Variants in SRGAP1 observed in about 807,000 individuals in gnomAD.
SRGAP1 encodes SLIT-ROBO Rho GTPase activating protein 1.
A neutral mutation model predicts 121.9 loss-of-function variants in SRGAP1; 43 were observed. The observed-to-expected ratio is 0.35, with a 90% CI of 0.28 to 0.46. The LOEUF is 0.46. SRGAP1 is among the 20% of genes least tolerant of loss of function. The pLI, the probability that SRGAP1 is intolerant of heterozygous loss-of-function variation, is 1.00. For synonymous variants in SRGAP1, 447 were observed against 485.4 expected, an observed-to-expected ratio of 0.92 and a Z score of 1.04; for missense variants, 1,102 against 1,350.9, an observed-to-expected ratio of 0.82 and a Z score of 2.89.
At chr12:64,087,752 A>C (rs1030361391) in intron 11 of SRGAP1, among the ~76,000 whole-genome samples, 1 of 152,162 alleles carries the variant, frequency 6.6e-6, no homozygotes, top group Admixed American at 6.5e-5. Flanking sequence ...AAAATAAAAA[A>C]TAAAAATAAA....
chr12:63,954,369 C>T (rs1420793254), intron 1 of SRGAP1, among the ~76,000 whole-genome samples: 3 of 152,020 alleles, frequency 2.0e-5, no homozygotes, highest in African/African-American at 7.2e-5. Flanking sequence ...GGAATTTTCC[C>T]CCATCTTTCT....
intron 1 of SRGAP1, among the ~76,000 whole-genome samples, chr12:63,952,239 G>A (rs1413602999): frequency 6.6e-6 from 1 of 152,194 alleles, no homozygotes; most frequent in Non-Finnish European, 1.5e-5. Flanking sequence ...AGGGCTGGAT[G>A]CAGTGGCTCA....
chr12:64,108,201 G>A (rs1340215285), intron 15 of SRGAP1, among the ~76,000 whole-genome samples: 6 of 152,142 alleles, frequency 3.9e-5, no homozygotes, highest in Non-Finnish European at 8.8e-5. Flanking sequence ...ATGTTCACAA[G>A]CACTTTAGTA....
At chr12:64,130,041 G>C (rs1048860863) in intron 21 of SRGAP1, among the ~76,000 whole-genome samples, 29 of 152,198 alleles carry the variant, frequency 1.9e-4, no homozygotes, top group African/African-American at 6.5e-4. Flanking sequence ...CTTCATTCCT[G>C]AAGGGTCTGG....
rs746638215 is a variant in SRGAP1, at chr12:63,990,040, A to G, written c.394A>G (p.Ile132Val). ...LNNVIMRFMQ[I>V]SEDSTRMFKK... is the part of the protein sequence containing the mutation. ...CAATGTGATTATGCGGTTCATGCAG[A>G]TAAGTGAGGATTCTACCAGGATGTT... The change falls in exon 3 of 22, where the codon ATA (isoleucine) becomes GTA (valine). Residue 132 changes from isoleucine to valine, a missense_variant. Physicochemically the swap from Ile to Val is conservative, Grantham distance 29. Coordinates refer to ENST00000355086, the MANE Select transcript of SRGAP1 (RefSeq NM_020762.4). 4 of 1,611,824 alleles carry G rather than the reference A, an allele frequency of 2.5e-6. No individual in the cohort carries two copies. The highest frequency in any genetic ancestry group is 3.4e-6 in the Non-Finnish European group (4 of 1,179,292).
intron 1 of SRGAP1, among the ~76,000 whole-genome samples, chr12:63,921,033 T>G (rs1055410771): frequency 3.3e-5 from 5 of 152,172 alleles, no homozygotes; most frequent in African/African-American, 1.2e-4. Flanking sequence ...CCCTTGAACT[T>G]CTTCCTTATC....
At chr12:64,115,925 A>G in intron 18 of SRGAP1, 32 bp downstream of exon 18, 1 of 1,544,960 alleles carries the variant, frequency 6.5e-7, no homozygotes, top group Non-Finnish European at 8.9e-7. Flanking sequence ...TTATAAAGCC[A>G]GTCTTTATAT....
intron 3 of SRGAP1, among the ~76,000 whole-genome samples, chr12:64,016,262 C>A (rs1348770018): frequency 6.6e-6 from 1 of 152,048 alleles, no homozygotes; most frequent in Non-Finnish European, 1.5e-5. Flanking sequence ...TATGGTGAAA[C>A]CCCGTCTCTA....
intron 1 of SRGAP1, among the ~76,000 whole-genome samples, chr12:63,922,510 T>C (rs1054610116): frequency 4.6e-5 from 7 of 152,226 alleles, no homozygotes; most frequent in African/African-American, 1.7e-4. Context: ...ACTTTTCAAG[T>C]ATTCAGACAG....
intron 21 of SRGAP1, among the ~76,000 whole-genome samples, chr12:64,141,452 C>T (rs1315150933): frequency 3.3e-5 from 5 of 151,302 alleles, no homozygotes; most frequent in East Asian, 3.9e-4. Context: ...TGGTGGTGGG[C>T]GCCTGTAATC....
Position 64,143,557 on chromosome 12 carries a change from TCTC to T in SRGAP1, c.*889_*891del, listed in dbSNP as rs2037002358. 1 of 152,390 alleles carries T rather than the reference TCTC, an allele frequency of 6.6e-6. No individual in the cohort carries two copies. Among genetic ancestry groups the T allele is most frequent in the South Asian group, 2.1e-4 (1 of 4,822 alleles). 9.4% of individuals were successfully genotyped at this position (152,390 alleles called of 1,614,324 possible). A position where few individuals can be genotyped will look rare whatever the true frequency, so the allele number is the denominator to read the frequency against. ...TTCCATCTCCTCTAAATCCCTGTGTTCTCCTCTGTGGAAATGAAGGCAGCAAGA... is the reference window on the plus strand; with the variant it reads ...TTCCATCTCCTCTAAATCCCTGTGTTCTCTGTGGAAATGAAGGCAGCAAGA... On this transcript the variant is annotated 3_prime_UTR_variant, in exon 22 of 22. Coordinates refer to ENST00000355086, the MANE Select transcript of SRGAP1 (RefSeq NM_020762.4).
intron 21 of SRGAP1, among the ~76,000 whole-genome samples, chr12:64,134,132 C>A (rs1306697128): frequency 6.6e-6 from 1 of 152,074 alleles, no homozygotes; most frequent in Non-Finnish European, 1.5e-5. Context: ...TTCAAAGATG[C>A]AAGTGCTGGC....
chr12:63,971,753 TGTGTGTGTGG>T (rs1464732696), intron 1 of SRGAP1, among the ~76,000 whole-genome samples: 2 of 151,564 alleles, frequency 1.3e-5, no homozygotes, highest in Non-Finnish European at 2.9e-5. Context: ...GGTATAGGGG[TGTGTGTGTGG>T]GTGTGTGTGT....
In SRGAP1 at chr12:63,989,889, CT is replaced by C. The variant is rs2033508412; in HGVS notation, c.264-20del. 6.3e-7 allele frequency: 1 copy of C among 1,579,454 alleles called. No homozygotes were observed. The highest frequency in any genetic ancestry group is 8.6e-7 in the Non-Finnish European group (1 of 1,167,026). ...GGCAACTTTGAAATGGGTGGTAATT[CT>C]GTGTTTCTTCACTTCTTAGGAAAGA... On this transcript the variant is annotated intron_variant, in intron 2 of 21. Coordinates refer to ENST00000355086, the MANE Select transcript of SRGAP1 (RefSeq NM_020762.4).
intron 1 of SRGAP1, among the ~76,000 whole-genome samples, chr12:63,894,252 G>T (rs1900678400): frequency 6.6e-6 from 1 of 151,412 alleles, no homozygotes; most frequent in African/African-American, 2.4e-5. Flanking sequence ...AATGACATTT[G>T]CTTTCACCAC....
intron 6 of SRGAP1, 134 bp downstream of exon 6, chr12:64,043,709 A>G: frequency 1.5e-6 from 1 of 649,698 alleles, no homozygotes; most frequent in Non-Finnish European, 2.4e-6. Flanking sequence ...AAATACTTTT[A>G]TTTAAATTAT....
chr12:63,915,728 T>C (rs1156381603), intron 1 of SRGAP1, among the ~76,000 whole-genome samples: 1 of 152,198 alleles, frequency 6.6e-6, no homozygotes, highest in East Asian at 1.9e-4. Flanking sequence ...TCACCTTCAA[T>C]GCCTCCAACC....
chr12:64,106,646 T>C (rs1488440978), intron 15 of SRGAP1, among the ~76,000 whole-genome samples: 1 of 152,190 alleles, frequency 6.6e-6, no homozygotes. Flanking sequence ...GGTGGAAATG[T>C]TGATAACTTA....
At chr12:64,050,935 G>C (rs550278595) in intron 6 of SRGAP1, among the ~76,000 whole-genome samples, 171 of 152,200 alleles carry the variant, frequency 1.1e-3, no homozygotes, top group African/African-American at 3.6e-3. Context: ...TGTTGGCCAG[G>C]CTGGTTTCGA....
Sources: gnomAD v4.1 joint callset for allele counts (sites outside exome capture counted in the v4.1 genomes callset) on GRCh38, gnomAD v4.1.1 for gene constraint, MANE v1.5 for transcripts, NCBI Gene and HGNC (gene_info 2026-07-23, HGNC 2026-07-21) for gene names.